Variants in CAT observed in about 807,000 individuals in gnomAD.
CAT encodes catalase, also known as epididymis secretory sperm binding protein.
Under a neutral mutation model 59.0 loss-of-function variants are expected in CAT, and 43 were observed. The ratio of observed to expected loss-of-function variants is 0.73; its 90% CI spans 0.57 to 0.94. The LOEUF is 0.94. Ranked by LOEUF, CAT falls within the 40% of genes least tolerant of loss-of-function variation. CAT has a pLI of 0.00. For synonymous variants in CAT, 218 were observed against 230.9 expected (o/e 0.94, Z 0.51); for missense variants, 664 against 682.9 (o/e 0.97, Z 0.31).
intron 1 of CAT, 102 bp downstream of exon 1, chr11:34,439,181 T>A: frequency 9.0e-7 from 1 of 1,113,976 alleles, no homozygotes; most frequent in Non-Finnish European, 1.3e-6. Flanking sequence ...TTGGAGGGAC[T>A]GTACCGCGGC....
intron 11 of CAT, chr11:34,470,733 G>C (rs1856763903): frequency 1.7e-6 from 1 of 579,692 alleles, no homozygotes; most frequent in Non-Finnish European, 3.1e-6. Flanking sequence ...CATAAGCTCA[G>C]TAAGTTAAGT....
intron 2 of CAT, among the ~76,000 whole-genome samples, chr11:34,450,346 A>C (rs1324458439): frequency 2.6e-5 from 4 of 152,194 alleles, no homozygotes; most frequent in Non-Finnish European, 5.9e-5. Context: ...CAATTTCTGT[A>C]AAACTTTCTT....
At chr11:34,458,080 C>A (rs1014792458) in intron 8 of CAT, among the ~76,000 whole-genome samples, 2 of 152,134 alleles carry the variant, frequency 1.3e-5, no homozygotes, top group East Asian at 3.8e-4. Flanking sequence ...CCATGGTGAT[C>A]CAGAAAGCAA....
chr11:34,461,217 C>G (rs1276417972), intron 8 of CAT, 34 bp from the exon 9 acceptor site: 1 of 1,611,488 alleles, frequency 6.2e-7, no homozygotes, highest in Non-Finnish European at 8.5e-7. Flanking sequence ...ATGTTACTGC[C>G]CCTAGTCAGT....
chr11:34,459,259 G>T (rs771501012), intron 8 of CAT, among the ~76,000 whole-genome samples: 30 of 152,110 alleles, frequency 2.0e-4, no homozygotes, highest in Non-Finnish European at 2.9e-4. Context: ...TTGTCTTGTT[G>T]GACAGGAAGT....
intron 8 of CAT, chr11:34,461,017 A>G: frequency 1.7e-6 from 1 of 590,268 alleles, no homozygotes; most frequent in Non-Finnish European, 3.0e-6. Flanking sequence ...TACCAAAAAC[A>G]GATGTGAAGA....
At chr11:34,444,511 T>C (rs537889353) in intron 1 of CAT, among the ~76,000 whole-genome samples, 2 of 152,290 alleles carry the variant, frequency 1.3e-5, no homozygotes, top group Admixed American at 6.5e-5. Flanking sequence ...CGTGGGTGTA[T>C]ACGTTGTAGG....
chr11:34,456,223 A>G, intron 7 of CAT, 21 bp downstream of exon 7: 6 of 1,577,536 alleles, frequency 3.8e-6, no homozygotes, highest in Non-Finnish European at 5.2e-6. Context: ...AAACAACTAT[A>G]TTGTTTTCTT....
In CAT at chr11:34,453,926, G is replaced by C; in HGVS notation, c.711G>C (p.Lys237Asn). The C allele has an allele frequency of 1.2e-6, 2 of 1,613,764 alleles. No homozygotes were observed. The highest frequency in any genetic ancestry group is 1.7e-6 in the Non-Finnish European group (2 of 1,179,760). ...GEAVYCKFHYKTDQGIKNLSV... is the reference protein window; with the variant it reads ...GEAVYCKFHYNTDQGIKNLSV... ...CAGTTTATTGCAAATTCCATTATAA[G>C]GTATGTGTTACCTTTGGGGCAGAGG... The change falls in exon 6 of 13, where the codon AAG becomes AAC. Residue 237 changes from lysine to asparagine, a missense_variant and splice_region_variant. Coordinates refer to ENST00000241052, the MANE Select transcript of CAT (RefSeq NM_001752.4).
At chr11:34,467,069 G>C (rs568469108) in intron 10 of CAT, among the ~76,000 whole-genome samples, 1 of 152,216 alleles carries the variant, frequency 6.6e-6, no homozygotes, top group East Asian at 1.9e-4. Flanking sequence ...TGCAATAATA[G>C]ATGGAAGAAT....
At chr11:34,444,792 ACTT>A (rs796710558) in intron 1 of CAT, among the ~76,000 whole-genome samples, 17 of 152,306 alleles carry the variant, frequency 1.1e-4, no homozygotes, top group African/African-American at 4.1e-4. Flanking sequence ...TCCCAGGAAA[ACTT>A]CTTCATTTAT....
chr11:34,449,412 G>C, intron 2 of CAT, 49 bp downstream of exon 2: 2 of 1,516,972 alleles, frequency 1.3e-6, no homozygotes, highest in Non-Finnish European at 9.1e-7. Flanking sequence ...ACAGCACCTG[G>C]GTCAAGTGTT....
intron 1 of CAT, among the ~76,000 whole-genome samples, chr11:34,439,345 T>C (rs1057338863): frequency 5.3e-5 from 8 of 152,154 alleles, no homozygotes; most frequent in African/African-American, 1.9e-4. Context: ...TTTTGCCAAC[T>C]GGGACAGAGG....
At chr11:34,470,348 C>T (rs1033388390) in intron 11 of CAT, among the ~76,000 whole-genome samples, 3 of 152,156 alleles carry the variant, frequency 2.0e-5, no homozygotes, top group African/African-American at 7.2e-5. Context: ...CCTTCTAGCT[C>T]CTGGATGTGT....
At chr11:34,466,738 G>A (rs7928213) in intron 10 of CAT, among the ~76,000 whole-genome samples, 31,678 of 135,280 alleles carry the variant, frequency 0.23, 3,788 homozygotes, top group East Asian at 0.48. Flanking sequence ...CCGAGATCGC[G>A]CCACTGCACT....
intron 1 of CAT, 132 bp downstream of exon 1, chr11:34,439,211 C>A: frequency 1.2e-6 from 1 of 855,388 alleles, no homozygotes; most frequent in Non-Finnish European, 1.9e-6. Context: ...AGGGGGGATC[C>A]CCTTCGGTGC....
At chr11:34,462,529 T>G (rs1327294009) in intron 9 of CAT, among the ~76,000 whole-genome samples, 1 of 152,124 alleles carries the variant, frequency 6.6e-6, no homozygotes. Context: ...GTTCAAGAGA[T>G]TCTCATGCCT....
At chr11:34,442,935 A>C (rs758287347) in intron 1 of CAT, among the ~76,000 whole-genome samples, 14 of 152,296 alleles carry the variant, frequency 9.2e-5, no homozygotes, top group Middle Eastern at 6.8e-3. Flanking sequence ...CAAAGCGTAC[A>C]TTTCATATTT....
intron 10 of CAT, among the ~76,000 whole-genome samples, chr11:34,466,568 G>A (rs1590309560): frequency 1.3e-5 from 2 of 152,052 alleles, no homozygotes; most frequent in African/African-American, 4.8e-5. Context: ...ACGAGGTCAG[G>A]AGATCAAGAC....
Sources: gnomAD v4.1 joint callset for allele counts (sites outside exome capture counted in the v4.1 genomes callset) on GRCh38, gnomAD v4.1.1 for gene constraint, MANE v1.5 for transcripts, NCBI Gene and HGNC (gene_info 2026-07-23, HGNC 2026-07-21) for gene names.